The following KIAA1671 variants were observed in gnomAD, a reference collection of about 807,000 sequenced individuals.
KIAA1671 encodes uncharacterized protein KIAA1671.
KIAA1671 carries 52 observed loss-of-function variants against 131.2 expected under a neutral mutation model. That is an observed-to-expected ratio of 0.40 (90% CI 0.32 to 0.50). The LOEUF (loss-of-function observed/expected upper bound fraction) is 0.50, where lower values mean the gene tolerates loss of function less well. Ranked by LOEUF, KIAA1671 falls within the 20% of genes least tolerant of loss-of-function variation. The pLI, the probability that KIAA1671 is intolerant of heterozygous loss-of-function variation, is 0.73. For synonymous variants in KIAA1671, 1,003 were observed against 961.6 expected, an observed-to-expected ratio of 1.04 and a Z score of -0.80; for missense variants, 2,360 against 2,364.2, an observed-to-expected ratio of 1.00 and a Z score of 0.04.
At chr22:24,956,288 G>A (rs1329052559) in intron 1 of KIAA1671, among the ~76,000 whole-genome samples, 2 of 152,206 alleles carry the variant, frequency 1.3e-5, no homozygotes, top group African/African-American at 4.8e-5. Context: ...TTAGAACCCT[G>A]TGCCTGTTCA....
chr22:25,018,936 T>G (rs1472997446), intron 1 of KIAA1671, among the ~76,000 whole-genome samples: 1 of 152,170 alleles, frequency 6.6e-6, no homozygotes, highest in East Asian at 1.9e-4. Context: ...GATTCTGTGT[T>G]TAATTTTTTG....
chr22:24,976,071 G>C (rs1365538360), intron 1 of KIAA1671, among the ~76,000 whole-genome samples: 2 of 152,210 alleles, frequency 1.3e-5, no homozygotes, highest in Non-Finnish European at 2.9e-5. Flanking sequence ...CTGGTCTCTA[G>C]GGCCTCAGAC....
At chr22:25,108,026 T>C (rs1287986101) in intron 6 of KIAA1671, among the ~76,000 whole-genome samples, 12 of 151,984 alleles carry the variant, frequency 7.9e-5, no homozygotes, top group Non-Finnish European at 2.9e-5. Flanking sequence ...ATTATAGATA[T>C]CAGTACATTT....
intron 6 of KIAA1671, chr22:25,065,322 GC>G (rs1320859592): frequency 1.3e-5 from 2 of 152,240 alleles, no homozygotes; most frequent in African/African-American, 4.8e-5. Context: ...GGAATGGGTG[GC>G]CGCCTGGGGT....
At position 25,137,037 on chromosome 22, in the gene KIAA1671, C is replaced by T. The variant is rs553576351; in HGVS notation, c.4531-33783C>T. ...ATCCTATTATTCTGTTCAAAGATAA[C>T]CAGGTGGTGAGCCTATAGCAGGGTA... On this transcript the variant is annotated intron_variant, in intron 6 of 12. Coordinates refer to ENST00000358431, the MANE Select transcript of KIAA1671 (RefSeq NM_001145206.2). Among the ~76,000 whole-genome samples the T allele has an allele frequency of 2.0e-5, 3 of 152,226 alleles. No homozygotes were observed. The South Asian group carries it at 6.2e-4, about 32-fold the overall frequency.
At chr22:24,994,330 T>G (rs1454717808) in intron 1 of KIAA1671, among the ~76,000 whole-genome samples, 1 of 152,074 alleles carries the variant, frequency 6.6e-6, no homozygotes, top group East Asian at 1.9e-4. Context: ...AGCAGTTTAT[T>G]TGGGTGGCAG....
intron 1 of KIAA1671, among the ~76,000 whole-genome samples, chr22:24,981,683 A>C (rs1923242218): frequency 6.6e-6 from 1 of 152,132 alleles, no homozygotes; most frequent in Non-Finnish European, 1.5e-5. Context: ...CCAAGGCGGG[A>C]AGATTGCTTG....
At chr22:25,080,954 C>T (rs1258503073) in intron 6 of KIAA1671, among the ~76,000 whole-genome samples, 1 of 152,140 alleles carries the variant, frequency 6.6e-6, no homozygotes, top group Non-Finnish European at 1.5e-5. Context: ...GGACCCCACT[C>T]TCAGATGGAG....
At chr22:25,111,558 C>T (rs1340643068) in intron 6 of KIAA1671, among the ~76,000 whole-genome samples, 1 of 152,234 alleles carries the variant, frequency 6.6e-6, no homozygotes, top group Non-Finnish European at 1.5e-5. Flanking sequence ...GTGAGCTAGC[C>T]GCCTGCCGGC....
At chr22:25,168,733 G>A (rs1422914148) in intron 6 of KIAA1671, among the ~76,000 whole-genome samples, 2 of 152,098 alleles carry the variant, frequency 1.3e-5, no homozygotes, top group Non-Finnish European at 2.9e-5. Context: ...ATCACCATGG[G>A]TTGCAATAGC....
Position 25,040,380 on chromosome 22 carries a change from G to A in KIAA1671, c.3250G>A (p.Gly1084Ser). Residue 1084 changes from glycine (G) to serine (S), a missense_variant, in exon 5 of 13, where the codon GGC (glycine) becomes AGC (serine). Physicochemically the swap from Gly to Ser is moderately conservative, Grantham distance 56. Transcript: ENST00000358431. Reference sequence around the variant, plus strand: ...TCATGAAGAGGCATTGGAGATGGCAGGCAGTAAAAACTGGATGAAGGGACG... The same window carrying A: ...TCATGAAGAGGCATTGGAGATGGCAAGCAGTAAAAACTGGATGAAGGGACG... ...LGHEEALEMA[G>S]SKNWMKGREH... is the part of the protein sequence containing the mutation. The A allele has an allele frequency of 1.3e-6, 2 of 1,551,902 alleles. No homozygotes were observed. The highest frequency in any genetic ancestry group is 1.7e-6 in the Non-Finnish European group (2 of 1,147,052).
At chr22:25,154,266 CCTGT>C (rs144760063) in intron 6 of KIAA1671, among the ~76,000 whole-genome samples, 12,377 of 152,218 alleles carry the variant, frequency 0.081, 1,629 homozygotes, top group African/African-American at 0.28. Flanking sequence ...GGCCCTAGTC[CCTGT>C]CTGTGTCTCA....
chr22:24,953,311 G>A (rs1921509279), intron 1 of KIAA1671, among the ~76,000 whole-genome samples: 1 of 152,160 alleles, frequency 6.6e-6, no homozygotes, highest in Non-Finnish European at 1.5e-5. Context: ...CTAGGGTCTG[G>A]ACATTTGTGC....
intron 6 of KIAA1671, among the ~76,000 whole-genome samples, chr22:25,103,955 T>C (rs1396069990): frequency 6.6e-6 from 1 of 152,182 alleles, no homozygotes; most frequent in African/African-American, 2.4e-5. Flanking sequence ...TGGTTATTAT[T>C]TCCACTGTAC....
In KIAA1671 at chr22:25,039,073, C is replaced by A; in HGVS notation, c.1943C>A (p.Pro648His). The A allele has an allele frequency of 6.4e-7, 1 of 1,551,716 alleles. No homozygotes were observed. The highest frequency in any genetic ancestry group is 8.7e-7 in the Non-Finnish European group (1 of 1,147,024). The change falls in exon 5 of 13, where the codon CCC (proline) becomes CAC (histidine). Residue 648 changes from proline to histidine, a missense_variant. This residue lies in a region of KIAA1671 where 1,185 missense variants were observed against 1,126.2 expected (regional missense o/e 1.05). Transcript: ENST00000358431. ...GDMAHARVSEPRPRPEMGSWL... is the reference protein window; with the variant it reads ...GDMAHARVSEHRPRPEMGSWL... Reference sequence around the variant, plus strand: ...ATGGCCCATGCCCGTGTCTCAGAACCCAGGCCGAGGCCTGAGATGGGCTCT... The same window carrying A: ...ATGGCCCATGCCCGTGTCTCAGAACACAGGCCGAGGCCTGAGATGGGCTCT...
At chr22:24,963,116 T>A (rs1295027910) in intron 1 of KIAA1671, among the ~76,000 whole-genome samples, 3 of 151,936 alleles carry the variant, frequency 2.0e-5, no homozygotes, top group African/African-American at 7.3e-5. Flanking sequence ...AAATGTGTCA[T>A]GCATTGGGAG....
chr22:25,175,832 G>A (rs1332488073), intron 8 of KIAA1671: 1 of 152,220 alleles, frequency 6.6e-6, no homozygotes, highest in African/African-American at 2.4e-5. Context: ...CTGGTGTCCC[G>A]AAGCATAGGT....
At chr22:25,115,184 C>G (rs1931590232) in intron 6 of KIAA1671, among the ~76,000 whole-genome samples, 1 of 152,194 alleles carries the variant, frequency 6.6e-6, no homozygotes, top group Non-Finnish European at 1.5e-5. Flanking sequence ...CCATGTGAGC[C>G]TGAGAAACAC....
At chr22:25,114,920 C>A (rs568345274) in intron 6 of KIAA1671, among the ~76,000 whole-genome samples, 1 of 152,316 alleles carries the variant, frequency 6.6e-6, no homozygotes, top group African/African-American at 2.4e-5. Flanking sequence ...CATGATTTAT[C>A]TAAATAATCC....
Sources: allele counts gnomAD v4.1 joint callset (sites outside exome capture counted in the v4.1 genomes callset), GRCh38; gene constraint gnomAD v4.1.1; regional missense constraint gnomAD v4.1.1; transcripts MANE v1.5; gene names NCBI Gene and HGNC (gene_info 2026-07-23, HGNC 2026-07-21).